FRMD4A: variants seen among roughly 807,000 people sequenced by gnomAD.
The protein encoded by FRMD4A is FERM domain-containing protein 4A.
Under a neutral mutation model 129.1 loss-of-function variants are expected in FRMD4A, and 29 were observed. The observed-to-expected ratio is 0.22, with a 90% CI of 0.17 to 0.31. The LOEUF is 0.31. FRMD4A is among the 10% of genes least tolerant of loss of function. The pLI, the probability that FRMD4A is intolerant of heterozygous loss-of-function variation, is 1.00. For missense variants in FRMD4A, 1,272 were observed against 1,375.8 expected (o/e 0.92, Z 1.19); for synonymous variants, 634 against 571.6 (o/e 1.11, Z -1.56).
intron 2 of FRMD4A, among the ~76,000 whole-genome samples, chr10:14,294,732 A>C (rs1040275882): frequency 6.6e-6 from 1 of 152,262 alleles, no homozygotes; most frequent in African/African-American, 2.4e-5. Flanking sequence ...TCCGCTCAGC[A>C]AGATTCGCTA....
rs372307131 is a variant in FRMD4A, at chr10:14,078,144, G to A, written c.46-219232C>T. Among the ~76,000 whole-genome samples the A allele has an allele frequency of 5.9e-5, 9 of 152,160 alleles. No individual in the cohort carries two copies. The East Asian group carries it at 1.2e-3, about 20-fold the overall frequency. Reference sequence around the variant, plus strand: ...GGACCACTTTGATGAATGAATAATCGTAATAAATACAAACCACTGGCCAGA... The same window carrying A: ...GGACCACTTTGATGAATGAATAATCATAATAAATACAAACCACTGGCCAGA... On this transcript the variant is annotated intron_variant, in intron 2 of 24. Coordinates refer to ENST00000357447, the MANE Select transcript of FRMD4A (RefSeq NM_018027.5).
intron 8 of FRMD4A, among the ~76,000 whole-genome samples, chr10:13,759,104 C>T (rs1025718420): frequency 1.3e-5 from 2 of 152,098 alleles, no homozygotes; most frequent in Non-Finnish European, 1.5e-5. Flanking sequence ...TCAGAGACTC[C>T]CATGTAACAA....
intron 2 of FRMD4A, among the ~76,000 whole-genome samples, chr10:13,981,593 G>A (rs1320268455): frequency 6.6e-6 from 1 of 152,000 alleles, no homozygotes; most frequent in East Asian, 1.9e-4. Context: ...ACAAAAATCA[G>A]CTGGGCATGG....
At chr10:14,246,886 G>A (rs1844260902) in intron 2 of FRMD4A, among the ~76,000 whole-genome samples, 1 of 152,098 alleles carries the variant, frequency 6.6e-6, no homozygotes, top group Non-Finnish European at 1.5e-5. Flanking sequence ...GAAGGGAAGG[G>A]GTGCCCAGGG....
chr10:14,252,256 T>C (rs946975639), intron 2 of FRMD4A, among the ~76,000 whole-genome samples: 2 of 152,208 alleles, frequency 1.3e-5, no homozygotes, highest in African/African-American at 4.8e-5. Context: ...AGAAATTTCC[T>C]TACCTAACTA....
rs556271896 is a variant in FRMD4A at position 14,312,913 on chromosome 10, G to A, written c.45+17145C>T. 1.4e-4 allele frequency among the ~76,000 whole-genome samples: 21 copies of A among 152,224 alleles called. No homozygotes were observed. In the South Asian group the frequency reaches 4.1e-3, roughly 30 times the overall value. Reference sequence around the variant, plus strand: ...AGAATGAGTTAACACTATTGGAATTGACAAGGGAAGATGTTGCATATGTGC... The same window carrying A: ...AGAATGAGTTAACACTATTGGAATTAACAAGGGAAGATGTTGCATATGTGC... On this transcript the variant is annotated intron_variant, in intron 2 of 24. Transcript: ENST00000357447.
chr10:14,134,707 GTGGA>G (rs1839445030), intron 2 of FRMD4A, among the ~76,000 whole-genome samples: 1 of 151,120 alleles, frequency 6.6e-6, no homozygotes. Context: ...CAATAGATGG[GTGGA>G]TGGATGGATG....
chr10:14,309,177 T>C (rs1186649689), intron 2 of FRMD4A, among the ~76,000 whole-genome samples: 4 of 152,204 alleles, frequency 2.6e-5, no homozygotes, highest in African/African-American at 9.6e-5. Flanking sequence ...AGACTGGGCA[T>C]GGTGGCTCAC....
At chr10:13,959,545 G>A (rs1188618149) in intron 2 of FRMD4A, among the ~76,000 whole-genome samples, 1 of 141,436 alleles carries the variant, frequency 7.1e-6, no homozygotes, top group Non-Finnish European at 1.5e-5. Flanking sequence ...TCAGGTGACA[G>A]GTTCATTATT....
chr10:14,137,829 T>A (rs1839623608), intron 2 of FRMD4A, among the ~76,000 whole-genome samples: 1 of 152,182 alleles, frequency 6.6e-6, no homozygotes, highest in African/African-American at 2.4e-5. Context: ...TTTTTTTTCC[T>A]TGCCTCTCCT....
chr10:13,825,838 A>G (rs2093692773), intron 3 of FRMD4A, among the ~76,000 whole-genome samples: 1 of 152,254 alleles, frequency 6.6e-6, no homozygotes, highest in Non-Finnish European at 1.5e-5. Flanking sequence ...AACACCGCAG[A>G]TAAGAAGGAA....
chr10:14,212,577 A>C (rs1842961545), intron 2 of FRMD4A, among the ~76,000 whole-genome samples: 2 of 152,308 alleles, frequency 1.3e-5, no homozygotes, highest in African/African-American at 4.8e-5. Context: ...AAAACGATAT[A>C]CACACAGTAG....
chr10:14,128,892 G>T (rs1411176939), intron 2 of FRMD4A, among the ~76,000 whole-genome samples: 2 of 152,106 alleles, frequency 1.3e-5, no homozygotes, highest in Admixed American at 6.5e-5. Flanking sequence ...ACGAAGTAAA[G>T]AACCTGAAAA....
At chr10:14,158,591 AACAG>A (rs1840717617) in intron 2 of FRMD4A, among the ~76,000 whole-genome samples, 2 of 151,986 alleles carry the variant, frequency 1.3e-5, no homozygotes, top group Non-Finnish European at 2.9e-5. Flanking sequence ...TGGTCTAGGT[AACAG>A]ACAGAGTGAG....
chr10:13,823,505 A>C (rs12263011), intron 3 of FRMD4A, among the ~76,000 whole-genome samples: 24,972 of 152,208 alleles, frequency 0.16, 2,278 homozygotes, highest in East Asian at 0.33. Context: ...ATATTTATAG[A>C]AAATATGGGG....
chr10:14,022,063 AAT>A (rs1302929974), intron 2 of FRMD4A, among the ~76,000 whole-genome samples: 1 of 152,212 alleles, frequency 6.6e-6, no homozygotes, highest in Non-Finnish European at 1.5e-5. Flanking sequence ...CCTTGTATAC[AAT>A]ATTCTAGGTG....
intron 2 of FRMD4A, among the ~76,000 whole-genome samples, chr10:14,328,039 A>C (rs1425546937): frequency 6.6e-6 from 1 of 152,192 alleles, no homozygotes; most frequent in Admixed American, 6.5e-5. Flanking sequence ...TTTACCCTTA[A>C]AAAGGAAAAA....
At chr10:13,670,553 A>G in intron 16 of FRMD4A, 25 bp from the exon 17 acceptor site, 1 of 1,609,340 alleles carries the variant, frequency 6.2e-7, no homozygotes. Flanking sequence ...TGGCATTCGG[A>G]GTGAGCACAA....
chr10:14,051,052 G>A (rs1277180727), intron 2 of FRMD4A, among the ~76,000 whole-genome samples: 1 of 152,198 alleles, frequency 6.6e-6, no homozygotes, highest in Non-Finnish European at 1.5e-5. Flanking sequence ...TGGGGGATCT[G>A]ACACTGATTC....
Sources: allele counts gnomAD v4.1 joint callset (sites outside exome capture counted in the v4.1 genomes callset), GRCh38; gene constraint gnomAD v4.1.1; transcripts MANE v1.5; gene names NCBI Gene and HGNC (gene_info 2026-07-23, HGNC 2026-07-21).